Variants in WDR20 observed in about 807,000 individuals in gnomAD.
The protein encoded by WDR20 is WD repeat-containing protein 20.
A neutral mutation model predicts 38.7 loss-of-function variants in WDR20; 3 were observed. The observed-to-expected ratio is 0.08, with a 90% CI of 0.04 to 0.20. WDR20 has a LOEUF of 0.20. Among genes scored for constraint, WDR20 ranks in the 10% least tolerant of loss-of-function variants. WDR20 has a pLI of 1.00. For synonymous variants in WDR20, 298 were observed against 285.6 expected, an observed-to-expected ratio of 1.04 and a Z score of -0.44; for missense variants, 559 against 727.7, an observed-to-expected ratio of 0.77 and a Z score of 2.67.
upstream of WDR20, chr14:102,139,738 G>C (rs376176088): frequency 1.1e-6 from 1 of 878,860 alleles, no homozygotes; most frequent in East Asian, 2.7e-5. Flanking sequence ...AGGTGAGCAC[G>C]CCTGCGCAGT....
At chr14:102,145,907 G>A (rs747141468) in intron 1 of WDR20, among the ~76,000 whole-genome samples, 1 of 152,042 alleles carries the variant, frequency 6.6e-6, no homozygotes, top group Non-Finnish European at 1.5e-5. Flanking sequence ...TACTGAAGTG[G>A]TAACTACAGG....
chr14:102,191,110 TTCTGTTA>T (rs1435194431), intron 1 of WDR20: 5 of 152,228 alleles, frequency 3.3e-5, no homozygotes, highest in Admixed American at 3.3e-4. Flanking sequence ...GCTCTGTGCT[TTCTGTTA>T]TCTGCAGCCT....
At position 102,140,099 on chromosome 14, in the gene WDR20, C is replaced by T; in HGVS notation, c.176C>T (p.Ser59Phe). Residue 59 changes from serine to phenylalanine, a missense_variant, in exon 1 of 3, where the codon TCT (serine) becomes TTT (phenylalanine). Transcript: ENST00000342702. ...TCCTTCGTAAACCTCAACGACCAGT[C>T]TGGCAACGGCGACCGCCTCTGCTTC... ...RVSFVNLNDQ[S>F]GNGDRLCFNV... is the part of the protein sequence containing the mutation. The T allele has an allele frequency of 6.2e-7, 1 of 1,614,164 alleles. No homozygotes were observed. The highest frequency in any genetic ancestry group is 8.5e-7 in the Non-Finnish European group (1 of 1,180,050).
At position 102,209,115 on chromosome 14, in the gene WDR20, T is replaced by C. The variant is rs748373182; in HGVS notation, c.945T>C (p.Tyr315=). Residue 315 remains tyrosine (Y), a synonymous_variant, in exon 3 of 3, where the codon TAT becomes TAC. Coordinates refer to ENST00000342702, the MANE Select transcript of WDR20 (RefSeq NM_144574.4). This position sits in a 1 kb window ranked among gnomAD's most constrained non-coding sequence, Gnocchi z 6.0. ...SWVSVVAFDP[Y]TTSVEEGDPM... is the part of the protein sequence containing the mutation. ...TCAGTGTTGTAGCGTTTGACCCTTATACCACTAGTGTAGAAGAAGGTGACC... is the reference window on the plus strand; with the variant it reads ...TCAGTGTTGTAGCGTTTGACCCTTACACCACTAGTGTAGAAGAAGGTGACC... The C allele has an allele frequency of 7.4e-6, 12 of 1,614,042 alleles. No homozygotes were observed. Among genetic ancestry groups the C allele is most frequent in the East Asian group, 2.2e-5 (1 of 44,896 alleles).
chr14:102,182,595 C>A (rs1366739168), intron 1 of WDR20, among the ~76,000 whole-genome samples: 2 of 152,094 alleles, frequency 1.3e-5, no homozygotes, highest in African/African-American at 4.8e-5. Context: ...TTCATCAAGT[C>A]ACAGATTTTT....
chr14:102,152,559 C>T (rs1301187351), intron 1 of WDR20, among the ~76,000 whole-genome samples: 4 of 151,518 alleles, frequency 2.6e-5, no homozygotes, highest in South Asian at 2.1e-4. Context: ...GGACTATAGG[C>T]GTGTGCCACC....
intron 1 of WDR20, among the ~76,000 whole-genome samples, chr14:102,192,680 G>A (rs775489086): frequency 2.0e-5 from 3 of 152,106 alleles, no homozygotes; most frequent in Non-Finnish European, 2.9e-5. Flanking sequence ...TTCCTCTGTT[G>A]TTTCTGAGAA....
downstream of WDR20, among the ~76,000 whole-genome samples, chr14:102,216,187 T>C (rs557599958): frequency 1.3e-5 from 2 of 152,348 alleles, no homozygotes; most frequent in South Asian, 2.1e-4. Flanking sequence ...TCTGCACTTT[T>C]TGTCTTGAGT....
downstream of WDR20, chr14:102,212,535 T>C: frequency 6.5e-7 from 1 of 1,535,968 alleles, no homozygotes; most frequent in East Asian, 2.4e-5. Flanking sequence ...AGAGCACTTC[T>C]GCAGGCAGGA....
chr14:102,195,177 A>G, intron 2 of WDR20, 57 bp downstream of exon 2: 1 of 1,575,170 alleles, frequency 6.3e-7, no homozygotes, highest in East Asian at 2.2e-5. Flanking sequence ...ATACATTCTT[A>G]CCGAGGGTAG....
At chr14:102,224,374 C>T (rs2064160688), downstream of WDR20, 1 of 353,560 alleles carries the variant, frequency 2.8e-6, no homozygotes, top group Non-Finnish European at 5.5e-6. Flanking sequence ...TTGAAACCAG[C>T]TCGTGAGCAT....
chr14:102,188,872 CAAAAAAAAAAAA>C (rs34508888), intron 1 of WDR20, among the ~76,000 whole-genome samples: 2 of 97,544 alleles, frequency 2.1e-5, no homozygotes, highest in African/African-American at 7.6e-5. Context: ...GACCCTGTTT[CAAAAAAAAAAAA>C]AAAAAAAAAA....
chr14:102,176,437 G>A (rs1474605828), intron 1 of WDR20, among the ~76,000 whole-genome samples: 2 of 151,868 alleles, frequency 1.3e-5, no homozygotes, highest in African/African-American at 4.8e-5. Context: ...GGTGGCTCAC[G>A]CCTGTAATCC....
intron 2 of WDR20, among the ~76,000 whole-genome samples, chr14:102,202,663 A>G (rs944581649): frequency 6.6e-6 from 1 of 151,924 alleles, no homozygotes; most frequent in African/African-American, 2.4e-5. Flanking sequence ...TACAGGTGTG[A>G]GCCACTGCGC....
Position 102,210,361 on chromosome 14 carries a change from A to T in WDR20, c.*481A>T, listed in dbSNP as rs1295221543. On this transcript the variant is annotated 3_prime_UTR_variant, in exon 3 of 3. Transcript: ENST00000342702. Reference sequence around the variant, plus strand: ...TTATCTTAATCATAAAATGTTTAGGAATCTATGAAATTTAACTTTAGGAAC... The same window carrying T: ...TTATCTTAATCATAAAATGTTTAGGTATCTATGAAATTTAACTTTAGGAAC... The T allele has an allele frequency of 2.0e-6, 2 of 985,648 alleles. No individual in the cohort carries two copies. The highest frequency in any genetic ancestry group is 1.2e-6 in the Non-Finnish European group (1 of 830,028). The allele number at this position is 985,648 out of a possible 1,614,324, so 61.1% of individuals were successfully genotyped here. A position where few individuals can be genotyped will look rare whatever the true frequency, so the allele number is the denominator to read the frequency against.
chr14:102,156,857 A>G (rs1350053531), intron 1 of WDR20, among the ~76,000 whole-genome samples: 1 of 152,048 alleles, frequency 6.6e-6, no homozygotes, highest in Non-Finnish European at 1.5e-5. Flanking sequence ...TGGGCGTGGT[A>G]ACAGGCACCT....
At chr14:102,216,122 TC>T (rs1429359705), downstream of WDR20, among the ~76,000 whole-genome samples, 2 of 152,158 alleles carry the variant, frequency 1.3e-5, no homozygotes, top group African/African-American at 4.8e-5. Flanking sequence ...CCCAGAAGCT[TC>T]CCACGGTGCT....
rs116155782 is a variant in WDR20, at chr14:102,221,293, G to A, written c.1693-1537G>A. On this transcript the variant is annotated intron_variant, in intron 3 of 3. Transcript: ENST00000335263. This position sits in a 1 kb window ranked among gnomAD's most constrained non-coding sequence, Gnocchi z 4.8. ...TAGATGACTTTTCTGTTGCCGGGGG[G>A]AAGGGAGGTGCCTCCTGGTTCTGGA... Among the ~76,000 whole-genome samples, 706 of 152,326 alleles carry A rather than the reference G, an allele frequency of 4.6e-3. 6 individuals are homozygous for A. The highest frequency in any genetic ancestry group is 0.016 in the African/African-American group (656 of 41,584).
rs1162582828 is a variant in WDR20, at chr14:102,154,880, T to TA, written c.249+14709dup. On this transcript the variant is annotated intron_variant, in intron 1 of 2. Coordinates refer to ENST00000342702, the MANE Select transcript of WDR20 (RefSeq NM_144574.4). ...GTAAGGTCAGGCAGTCATTTATTGT[T>TA]ATTGTTCCTACTTTATGGAAGAAGA... Among the ~76,000 whole-genome samples the TA allele has an allele frequency of 2.0e-5, 3 of 152,344 alleles. No homozygotes were observed. The East Asian group carries it at 5.8e-4, about 29-fold the overall frequency.
Sources: gnomAD v4.1 joint callset for allele counts (sites outside exome capture counted in the v4.1 genomes callset) on GRCh38, gnomAD v4.1.1 for gene constraint, Gnocchi (gnomAD v3.1) non-coding constraint, MANE v1.5 for transcripts, NCBI Gene and HGNC (gene_info 2026-07-23, HGNC 2026-07-21) for gene names.